The following JAKMIP3 variants were observed in gnomAD, a reference collection of about 807,000 sequenced individuals.
JAKMIP3 encodes the protein janus kinase and microtubule-interacting protein 3.
JAKMIP3 carries 58 observed loss-of-function variants against 118.5 expected under a neutral mutation model. That is an observed-to-expected ratio of 0.49 (90% confidence interval 0.40 to 0.61). The LOEUF is 0.61. Ranked by LOEUF, JAKMIP3 falls within the 20% of genes least tolerant of loss-of-function variation. The pLI is 0.00. For synonymous variants in JAKMIP3, 486 were observed against 451.2 expected, an observed-to-expected ratio of 1.08 and a Z score of -0.98; for missense variants, 950 against 1,109.0, an observed-to-expected ratio of 0.86 and a Z score of 2.04.
At position 132,163,355 on chromosome 10, in the gene JAKMIP3, C is replaced by G; in HGVS notation, c.2367C>G (p.Arg789=). ...QWKRQVMSEL[R]ERDAQILRER... is the part of the protein sequence containing the mutation. The stretch of plus-strand genomic sequence containing the variant: ...AGCGCCAGGTCATGAGTGAGCTGCG[C>G]GAGCGGGACGCCCAGATCCTGCGGG... Residue 789 remains arginine, a synonymous_variant, in exon 20 of 24, where the codon CGC becomes CGG. Coordinates refer to ENST00000684848, the MANE Select transcript of JAKMIP3 (RefSeq NM_001323087.2). 1 of 1,609,038 alleles carries G rather than the reference C, an allele frequency of 6.2e-7. No individual in the cohort carries two copies.
intron 3 of JAKMIP3, among the ~76,000 whole-genome samples, chr10:132,128,339 T>G (rs2049992218): frequency 6.6e-6 from 1 of 152,244 alleles, no homozygotes; most frequent in South Asian, 2.1e-4. Flanking sequence ...AGATATTCTC[T>G]TTAACTCTGG....
At chr10:132,094,551 A>T (rs1182000017) in intron 1 of JAKMIP3, among the ~76,000 whole-genome samples, 1 of 152,078 alleles carries the variant, frequency 6.6e-6, no homozygotes, top group Non-Finnish European at 1.5e-5. Flanking sequence ...CCACCCAGCA[A>T]GTCTACCAGG....
intron 21 of JAKMIP3, among the ~76,000 whole-genome samples, chr10:132,165,076 G>A (rs1023465694): frequency 6.6e-6 from 1 of 152,236 alleles, no homozygotes; most frequent in African/African-American, 2.4e-5. Flanking sequence ...TCCCATCACT[G>A]AAGCCTGGGC....
chr10:132,122,465 G>C (rs893404521), intron 3 of JAKMIP3, among the ~76,000 whole-genome samples: 1 of 152,270 alleles, frequency 6.6e-6, no homozygotes, highest in Admixed American at 6.5e-5. Flanking sequence ...GCCCTGGATG[G>C]GGAGAGACTG....
upstream of JAKMIP3, among the ~76,000 whole-genome samples, chr10:132,062,575 A>G (rs1429235884): frequency 1.3e-5 from 2 of 152,280 alleles, no homozygotes; most frequent in East Asian, 3.8e-4. Flanking sequence ...CCTCGAGGAC[A>G]TGACGTTGAG....
chr10:132,161,939 A>G lies in JAKMIP3; in HGVS notation c.2221-1270A>G, dbSNP rs1027253300. On this transcript the variant is annotated intron_variant, in intron 19 of 23. Coordinates refer to ENST00000684848, the MANE Select transcript of JAKMIP3 (RefSeq NM_001323087.2). The stretch of plus-strand genomic sequence containing the variant: ...GTGTGGGCCTCTCTCTCCACTTCCA[A>G]CAGGAAGGCCCCCTTGTTTGGGATG... 6.1e-5 allele frequency among the ~76,000 whole-genome samples: 9 copies of G among 147,542 alleles called. 1 individual carries two copies. Among genetic ancestry groups the G allele is most frequent in the Admixed American group, 5.4e-4 (8 of 14,910 alleles).
chr10:132,131,244 CGGG>C (rs763281323), intron 3 of JAKMIP3, among the ~76,000 whole-genome samples: 1 of 26,932 alleles, frequency 3.7e-5, no homozygotes, highest in Admixed American at 5.0e-4. Flanking sequence ...GGGGAAGAGT[CGGG>C]GGGCAGGGAG....
At position 132,133,456 on chromosome 10, in the gene JAKMIP3, C is replaced by G. The variant is rs754944917; in HGVS notation, c.778C>G (p.Pro260Ala). ...LSQVREADRH[P>A]GSPRRELPHA... ...CCAGGTCCGAGAGGCCGACCGGCACCCGGGCAGCCCCAGACGGGAACTTCC... is the reference window on the plus strand; with the variant it reads ...CCAGGTCCGAGAGGCCGACCGGCACGCGGGCAGCCCCAGACGGGAACTTCC... Residue 260 changes from proline (P) to alanine (A), a missense_variant, in exon 4 of 24, where the codon CCG (proline) becomes GCG (alanine). Pro to Ala is a conservative substitution (Grantham distance 27, BLOSUM62 -1). Transcript: ENST00000684848. 53 of 1,585,940 alleles carry G rather than the reference C, an allele frequency of 3.3e-5. No homozygotes were observed. In the East Asian group the frequency reaches 1.2e-3, roughly 37 times the overall value.
chr10:132,055,062 C>T (rs1368414660), intron 1 of JAKMIP3, among the ~76,000 whole-genome samples: 1 of 152,088 alleles, frequency 6.6e-6, no homozygotes, highest in Non-Finnish European at 1.5e-5. Flanking sequence ...GCTTTGGGGG[C>T]TCAGGGGGCG....
intron 8 of JAKMIP3, 105 bp downstream of exon 8, chr10:132,137,394 C>CGCGGCA: frequency 7.1e-7 from 1 of 1,409,104 alleles, no homozygotes; most frequent in Non-Finnish European, 9.9e-7. Context: ...CAGAAGCGGC[C>CGCGGCA]GCGGCAGCCT....
chr10:132,109,557 G>A (rs1264220309), intron 2 of JAKMIP3, among the ~76,000 whole-genome samples: 1 of 152,174 alleles, frequency 6.6e-6, no homozygotes, highest in Admixed American at 6.5e-5. Flanking sequence ...TCTCACAGAC[G>A]GTAGTGAGAC....
upstream of JAKMIP3, among the ~76,000 whole-genome samples, chr10:132,061,434 T>G (rs1378063118): frequency 1.3e-5 from 2 of 152,262 alleles, no homozygotes; most frequent in African/African-American, 4.8e-5. Context: ...ACAGGCAAGA[T>G]TCAATGTCAA....
At chr10:132,170,086 C>T (rs932028128) in intron 23 of JAKMIP3, 1 of 152,296 alleles carries the variant, frequency 6.6e-6, no homozygotes, top group Non-Finnish European at 1.5e-5. Context: ...GACCAGCAGT[C>T]CCAGCCCTGT....
chr10:132,156,730 A>C (rs1476130713), intron 19 of JAKMIP3, among the ~76,000 whole-genome samples: 1 of 152,196 alleles, frequency 6.6e-6, no homozygotes, highest in African/African-American at 2.4e-5. Context: ...CTAGACCAGC[A>C]CGAGGCCTGG....
At chr10:132,064,165 A>G (rs1365844095), upstream of JAKMIP3, among the ~76,000 whole-genome samples, 3 of 152,200 alleles carry the variant, frequency 2.0e-5, no homozygotes, top group East Asian at 3.8e-4. This position sits in a 1 kb window ranked among gnomAD's most constrained non-coding sequence, Gnocchi z 4.4. Context: ...GATGTTTCCA[A>G]TTATTCCCTG....
intron 1 of JAKMIP3, among the ~76,000 whole-genome samples, chr10:132,089,833 T>C (rs968899613): frequency 6.6e-6 from 1 of 152,196 alleles, no homozygotes; most frequent in African/African-American, 2.4e-5. Context: ...CAGTATGATA[T>C]TGTCTGTGGG....
intron 23 of JAKMIP3, among the ~76,000 whole-genome samples, chr10:132,177,022 G>A (rs187810761): frequency 6.6e-6 from 1 of 152,098 alleles, no homozygotes; most frequent in South Asian, 2.1e-4. Context: ...AAATGTTACT[G>A]GGTGATTTGC....
At chr10:132,052,660 C>A (rs1178845452) in intron 1 of JAKMIP3, among the ~76,000 whole-genome samples, 1 of 152,210 alleles carries the variant, frequency 6.6e-6, no homozygotes, top group Non-Finnish European at 1.5e-5. Context: ...GTTGTCCAAT[C>A]TGCCACCAAA....
chr10:132,064,990 G>A, upstream of JAKMIP3, among the ~76,000 whole-genome samples: 1 of 152,160 alleles, frequency 6.6e-6, no homozygotes, highest in Non-Finnish European at 1.5e-5. The surrounding 1 kb of genome is among the most constrained non-coding windows in gnomAD (Gnocchi z 4.4). Flanking sequence ...GCTGGGAGCA[G>A]GGGGGATGTA....
Sources: allele counts gnomAD v4.1 joint callset (sites outside exome capture counted in the v4.1 genomes callset), GRCh38; gene constraint gnomAD v4.1.1; non-coding constraint Gnocchi (gnomAD v3.1); transcripts MANE v1.5; gene names NCBI Gene and HGNC (gene_info 2026-07-23, HGNC 2026-07-21).